Variants in YJU2 observed in about 807,000 individuals in gnomAD.
YJU2 encodes splicing factor YJU2.
YJU2 carries 28 observed loss-of-function variants against 39.6 expected under a neutral mutation model. The observed-to-expected ratio is 0.71, with a 90% CI of 0.52 to 0.97. YJU2 has a LOEUF of 0.97. Among genes scored for constraint, YJU2 ranks in the 50% least tolerant of loss-of-function variants. The probability of loss-of-function intolerance (pLI) is 0.00; values close to 1 mark genes in which losing one functional copy is unlikely to be tolerated. For synonymous variants in YJU2, 184 were observed against 182.4 expected (o/e 1.01, Z -0.07); for missense variants, 328 against 430.4 (o/e 0.76, Z 2.11).
intron 4 of YJU2, among the ~76,000 whole-genome samples, chr19:4,255,929 C>T (rs1447707005): frequency 6.6e-6 from 1 of 151,856 alleles, no homozygotes; most frequent in East Asian, 1.9e-4. Context: ...ATTGCTTGAA[C>T]CCAGGAGGCG....
chr19:4,247,572 T>G (rs1380288176), intron 1 of YJU2, among the ~76,000 whole-genome samples: 145 of 13,720 alleles, frequency 0.011, 4 homozygotes, highest in African/African-American at 0.043. Flanking sequence ...TGGGGTGGGG[T>G]GGGGTGGCGC....
intron 5 of YJU2, 123 bp from the exon 6 acceptor site, chr19:4,261,871 C>T: frequency 1.1e-6 from 1 of 910,508 alleles, no homozygotes; most frequent in Non-Finnish European, 1.7e-6. Context: ...TCCCTCCCAC[C>T]CCTGCTCACT....
At chr19:4,257,902 C>G (rs1339063394) in intron 4 of YJU2, among the ~76,000 whole-genome samples, 1 of 152,156 alleles carries the variant, frequency 6.6e-6, no homozygotes, top group Admixed American at 6.6e-5. Context: ...TGTGCCTGGC[C>G]AAATTTTTCC....
intron 5 of YJU2, among the ~76,000 whole-genome samples, chr19:4,259,193 C>G (rs1599500383): frequency 7.4e-6 from 1 of 134,232 alleles, no homozygotes; most frequent in East Asian, 2.3e-4. Context: ...GCCATTCTGC[C>G]TCAGCCTCCC....
At chr19:4,258,537 CT>C in intron 5 of YJU2, 114 bp downstream of exon 5, 1 of 1,412,984 alleles carries the variant, frequency 7.1e-7, no homozygotes, top group South Asian at 1.4e-5. Context: ...GCAAGGACCC[CT>C]TTCCCACCGC....
chr19:4,263,086 A>C (rs1379399942), intron 6 of YJU2, among the ~76,000 whole-genome samples: 4 of 151,780 alleles, frequency 2.6e-5, no homozygotes, highest in African/African-American at 9.7e-5. Flanking sequence ...AAAAAAAAAA[A>C]AAAAAACTTA....
rs113799823 is a variant in YJU2, at chr19:4,261,581, A to C, written c.588-413A>C. ...GAAGCTGAGGCAGGAGAATCGCTTC[A>C]ACCTGGGAGGTGGGGGTTGCAGTGA... On this transcript the variant is annotated intron_variant, in intron 5 of 7. Coordinates refer to ENST00000262962, the MANE Select transcript of YJU2 (RefSeq NM_018074.6). 5.3e-3 allele frequency among the ~76,000 whole-genome samples: 812 copies of C among 152,248 alleles called. 6 individuals are homozygous for C. Among genetic ancestry groups the C allele is most frequent in the African/African-American group, 0.019 (779 of 41,556 alleles).
At chr19:4,248,041 TG>T (rs1970946063) in intron 1 of YJU2, 1 of 152,092 alleles carries the variant, frequency 6.6e-6, no homozygotes, top group African/African-American at 2.4e-5. Context: ...TAATTTTTTT[TG>T]TATTTTAGTA....
Position 4,247,646 on chromosome 19 carries a change from T to C in YJU2, c.24+476T>C, listed in dbSNP as rs1488440022. 4.5e-3 allele frequency among the ~76,000 whole-genome samples: 229 copies of C among 51,068 alleles called. 19 individuals carry two copies. The highest frequency in any genetic ancestry group is 0.013 in the East Asian group (18 of 1,340). The allele number at this position is 51,068 out of a possible 152,430, so 33.5% of individuals were successfully genotyped here. ...GTGTGTGTGTGTGTGTGTGTGTGTG[T>C]GTGTGTGTGTGTGTGTGTGTGTGTG... On this transcript the variant is annotated intron_variant, in intron 1 of 7. Transcript: ENST00000262962.
chr19:4,249,439 A>G (rs1970957862), intron 2 of YJU2, 111 bp downstream of exon 2: 1 of 676,342 alleles, frequency 1.5e-6, no homozygotes, highest in Non-Finnish European at 2.5e-6. Flanking sequence ...GGTCTTAGAC[A>G]TTGTCCTGGC....
chr19:4,256,464 C>T (rs969858716), intron 4 of YJU2, among the ~76,000 whole-genome samples: 1 of 152,016 alleles, frequency 6.6e-6, no homozygotes, highest in Non-Finnish European at 1.5e-5. Flanking sequence ...CTGGGCCTGT[C>T]GCACTGCTGT....
At chr19:4,266,736 C>T (rs913189038) in intron 6 of YJU2, among the ~76,000 whole-genome samples, 2 of 152,182 alleles carry the variant, frequency 1.3e-5, no homozygotes, top group East Asian at 3.8e-4. Context: ...CATCCCAGCT[C>T]TTTGGGACGC....
intron 4 of YJU2, among the ~76,000 whole-genome samples, chr19:4,257,177 T>C (rs1329019843): frequency 3.9e-5 from 6 of 152,080 alleles, no homozygotes; most frequent in Non-Finnish European, 8.8e-5. Context: ...TCCCTCAGCC[T>C]CAGTTTCCGT....
At chr19:4,253,297 G>A (rs1303441838) in intron 3 of YJU2, among the ~76,000 whole-genome samples, 6 of 151,904 alleles carry the variant, frequency 3.9e-5, no homozygotes, top group Non-Finnish European at 7.4e-5. Context: ...GTAGGCTGTG[G>A]CTGGGTGCAG....
chr19:4,258,165 T>C, intron 4 of YJU2, 77 bp from the exon 5 acceptor site: 1 of 1,510,704 alleles, frequency 6.6e-7, no homozygotes. Flanking sequence ...TGGCCCGCAG[T>C]GGCCCCCGAG....
At chr19:4,247,578 G>GTGTGTGTGT (rs1568359456) in intron 1 of YJU2, among the ~76,000 whole-genome samples, 1 of 82,008 alleles carries the variant, frequency 1.2e-5, no homozygotes, top group Admixed American at 1.3e-4. Context: ...GGGGTGGGGT[G>GTGTGTGTGT]GCGCGTGTGT....
intron 3 of YJU2, among the ~76,000 whole-genome samples, chr19:4,252,443 A>AT (rs1970985060): frequency 6.6e-6 from 1 of 151,266 alleles, no homozygotes; most frequent in Non-Finnish European, 1.5e-5. Context: ...CTAAAAAAAA[A>AT]GCAGAAAAAA....
intron 6 of YJU2, among the ~76,000 whole-genome samples, chr19:4,262,413 T>C (rs924044283): frequency 6.6e-6 from 1 of 152,040 alleles, no homozygotes; most frequent in African/African-American, 2.4e-5. Flanking sequence ...TTGGGAAGGA[T>C]GGTCTCAATC....
intron 4 of YJU2, among the ~76,000 whole-genome samples, chr19:4,256,741 A>G (rs1450343301): frequency 6.6e-6 from 1 of 152,154 alleles, no homozygotes; most frequent in Non-Finnish European, 1.5e-5. Context: ...GCCACTCGCA[A>G]ACTGGCTCCC....
Sources: gnomAD v4.1 joint callset for allele counts (sites outside exome capture counted in the v4.1 genomes callset) on GRCh38, gnomAD v4.1.1 for gene constraint, MANE v1.5 for transcripts, NCBI Gene and HGNC (gene_info 2026-07-23, HGNC 2026-07-21) for gene names.